Variants in TMEM260 observed in about 807,000 individuals in gnomAD.
TMEM260 encodes protein O-mannosyl-transferase TMEM260.
TMEM260 carries 82 observed loss-of-function variants against 88.9 expected under a neutral mutation model. That is an observed-to-expected ratio of 0.92 (90% CI 0.77 to 1.11). TMEM260 has a LOEUF of 1.11. TMEM260 is among the 50% of genes least tolerant of loss of function. The probability of loss-of-function intolerance (pLI) is 0.00; values close to 1 mark genes in which losing one functional copy is unlikely to be tolerated. For missense variants in TMEM260, 902 were observed against 853.4 expected, an observed-to-expected ratio of 1.06 and a Z score of -0.71; for synonymous variants, 314 against 309.3, an observed-to-expected ratio of 1.02 and a Z score of -0.16.
chr14:56,632,933 A>G (rs1888725906), intron 12 of TMEM260, 62 bp from the exon 13 acceptor site: 4 of 1,431,922 alleles, frequency 2.8e-6, no homozygotes, highest in South Asian at 1.2e-5. Context: ...CATGAATTAT[A>G]TTTACTTAAC....
At chr14:56,641,756 G>A (rs1257873558) in intron 15 of TMEM260, among the ~76,000 whole-genome samples, 1 of 152,210 alleles carries the variant, frequency 6.6e-6, no homozygotes, top group African/African-American at 2.4e-5. Flanking sequence ...TCAGTGTGCT[G>A]TATTCAGGAA....
chr14:56,627,001 TATATC>T (rs780696320), intron 12 of TMEM260, among the ~76,000 whole-genome samples: 2 of 152,180 alleles, frequency 1.3e-5, no homozygotes, highest in Non-Finnish European at 2.9e-5. Context: ...AACCTACCAT[TATATC>T]ATAAGCATTT....
At chr14:56,630,650 T>A (rs1888532259) in intron 12 of TMEM260, among the ~76,000 whole-genome samples, 1 of 152,234 alleles carries the variant, frequency 6.6e-6, no homozygotes, top group Non-Finnish European at 1.5e-5. Flanking sequence ...TTAAAGTCTT[T>A]GACAATTCTA....
intron 3 of TMEM260, among the ~76,000 whole-genome samples, chr14:56,603,470 CCTT>C (rs1181833540): frequency 2.0e-5 from 3 of 152,130 alleles, no homozygotes; most frequent in African/African-American, 7.2e-5. Context: ...ACTAGGCCAT[CCTT>C]CTTCATGGAT....
At chr14:56,616,844 T>A (rs1380474047) in intron 8 of TMEM260, among the ~76,000 whole-genome samples, 1 of 152,112 alleles carries the variant, frequency 6.6e-6, no homozygotes, top group African/African-American at 2.4e-5. Flanking sequence ...ACACCAACAT[T>A]GAGAGTTATC....
chr14:56,593,748 CG>C (rs1425614911), intron 3 of TMEM260, among the ~76,000 whole-genome samples: 1 of 120,162 alleles, frequency 8.3e-6, no homozygotes, highest in Non-Finnish European at 1.6e-5. Context: ...AGTGCAGTGG[CG>C]GAATCTCGGC....
chr14:56,631,315 C>G (rs146208677), intron 12 of TMEM260, among the ~76,000 whole-genome samples: 1 of 152,250 alleles, frequency 6.6e-6, no homozygotes, highest in African/African-American at 2.4e-5. Flanking sequence ...CCTGCTAGCA[C>G]TTGGGAGGTG....
chr14:56,581,341 T>C (rs550931281), intron 1 of TMEM260, among the ~76,000 whole-genome samples: 2 of 152,352 alleles, frequency 1.3e-5, no homozygotes, highest in East Asian at 3.9e-4. Context: ...AGATCTTTGA[T>C]GTTACATCTT....
intron 13 of TMEM260, among the ~76,000 whole-genome samples, chr14:56,633,794 TCACA>T (rs148263779): frequency 4.0e-5 from 6 of 151,808 alleles, no homozygotes; most frequent in African/African-American, 1.5e-4. Context: ...TTACTTGATT[TCACA>T]CACACACACA....
Position 56,579,973 on chromosome 14 carries a change from T to TGCGGCGCTCCGGGGGCATCC in TMEM260, c.66_85dup (p.Gly29AlafsTer35). On this transcript the variant is annotated frameshift_variant, in exon 1 of 16. Coordinates refer to ENST00000261556, the MANE Select transcript of TMEM260 (RefSeq NM_017799.4). LOFTEE classifies it high-confidence loss of function. ...CAGGGGCGGGCAGTCCGAGTGGGGC[T>TGCGGCGCTCCGGGGGCATCC]GCGGCGCTCCGGGGGCATCCGCGGC... 1 of 1,243,148 alleles carries TGCGGCGCTCCGGGGGCATCC rather than the reference T, an allele frequency of 8.0e-7. No individual in the cohort carries two copies. Among genetic ancestry groups the TGCGGCGCTCCGGGGGCATCC allele is most frequent in the Non-Finnish European group, 1.0e-6 (1 of 989,044 alleles). The allele number at this position is 1,243,148 out of a possible 1,614,324, so 77.0% of individuals were successfully genotyped here.
chr14:56,611,894 A>T (rs1887300702), intron 6 of TMEM260, among the ~76,000 whole-genome samples: 1 of 152,222 alleles, frequency 6.6e-6, no homozygotes, highest in Non-Finnish European at 1.5e-5. Flanking sequence ...AAGCGAACTA[A>T]TGCAGGAGCA....
At chr14:56,597,866 C>T (rs1007081755) in intron 3 of TMEM260, among the ~76,000 whole-genome samples, 1 of 152,088 alleles carries the variant, frequency 6.6e-6, no homozygotes, top group Non-Finnish European at 1.5e-5. Flanking sequence ...TACCAGGTCT[C>T]TTAATTAACT....
At chr14:56,591,363 T>C (rs1279062000) in intron 3 of TMEM260, among the ~76,000 whole-genome samples, 4 of 152,222 alleles carry the variant, frequency 2.6e-5, no homozygotes, top group African/African-American at 7.2e-5. Flanking sequence ...AAATCTGTAT[T>C]GTTTATTAAG....
chr14:56,658,945 G>A, the TMEM260 span, among the ~76,000 whole-genome samples: 1 of 151,886 alleles, frequency 6.6e-6, no homozygotes, highest in African/African-American at 2.4e-5. Flanking sequence ...GGCCAGGCTG[G>A]TCTTGAACTC....
At chr14:56,641,769 C>T (rs1290067016) in intron 15 of TMEM260, among the ~76,000 whole-genome samples, 2 of 152,158 alleles carry the variant, frequency 1.3e-5, no homozygotes, top group Non-Finnish European at 2.9e-5. Context: ...TTCAGGAAAC[C>T]CATCTCACGT....
chr14:56,614,865 A>G (rs1002778236), intron 7 of TMEM260, among the ~76,000 whole-genome samples: 1 of 152,092 alleles, frequency 6.6e-6, no homozygotes, highest in African/African-American at 2.4e-5. Context: ...CTTATGAGAA[A>G]ATCCTTCAAA....
At chr14:56,656,403 TAGTGAG>T in the TMEM260 span, among the ~76,000 whole-genome samples, 22,259 of 152,012 alleles carry the variant, frequency 0.15, 2,443 homozygotes, top group East Asian at 0.34. Context: ...TGGGGCAATA[TAGTGAG>T]ACCTTATCTC....
At chr14:56,610,477 C>T (rs1413809134) in intron 6 of TMEM260, among the ~76,000 whole-genome samples, 5 of 152,162 alleles carry the variant, frequency 3.3e-5, no homozygotes, top group South Asian at 2.1e-4. Flanking sequence ...CTCCTGACCT[C>T]GTGATCCACC....
chr14:56,633,404 C>T (rs941086476), intron 13 of TMEM260: 4 of 363,162 alleles, frequency 1.1e-5, no homozygotes, highest in Non-Finnish European at 2.0e-5. Context: ...GTGTGGATAC[C>T]ATGATGGTTA....
Sources: allele counts gnomAD v4.1 joint callset (sites outside exome capture counted in the v4.1 genomes callset), GRCh38; gene constraint gnomAD v4.1.1; transcripts MANE v1.5; gene names NCBI Gene and HGNC (gene_info 2026-07-23, HGNC 2026-07-21).